Variants in TRIM42 observed in about 807,000 individuals in gnomAD.
TRIM42 encodes tripartite motif containing 42.
Under a neutral mutation model 64.9 loss-of-function variants are expected in TRIM42, and 59 were observed. That is an observed-to-expected ratio of 0.91 (90% confidence interval 0.74 to 1.13). The LOEUF is 1.13. Ranked by LOEUF, TRIM42 falls within the 50% of genes most tolerant of loss-of-function variation. The pLI is 0.00. For synonymous variants in TRIM42, 354 were observed against 346.3 expected, an observed-to-expected ratio of 1.02 and a Z score of -0.25; for missense variants, 878 against 929.5, an observed-to-expected ratio of 0.94 and a Z score of 0.72.
chr3:140,699,764 T>C (rs1988952175), intron 4 of TRIM42, among the ~76,000 whole-genome samples: 1 of 152,226 alleles, frequency 6.6e-6, no homozygotes, highest in Non-Finnish European at 1.5e-5. Flanking sequence ...TATGCATTAT[T>C]TCCATTTCTA....
intron 2 of TRIM42, among the ~76,000 whole-genome samples, chr3:140,685,468 C>T (rs1988525273): frequency 6.6e-6 from 1 of 152,202 alleles, no homozygotes; most frequent in Non-Finnish European, 1.5e-5. Context: ...ATTGGCATCA[C>T]CTGAGAGCTT....
In TRIM42 at chr3:140,688,551, G is replaced by A. The variant is rs762609588; in HGVS notation, c.1860+9G>A. 3 of 1,593,070 alleles carry A rather than the reference G, an allele frequency of 1.9e-6. No individual in the cohort carries two copies. The highest frequency in any genetic ancestry group is 2.7e-5 in the African/African-American group (2 of 74,538). ...ACCCAAGAGCTGCCAAGGTAAGAAA[G>A]GTTCTGGGCCCAGTGGGGAAGTGGG... On this transcript the variant is annotated intron_variant, in intron 3 of 4. Transcript: ENST00000286349.
chr3:140,687,108 G>A (rs1466034718), intron 2 of TRIM42, among the ~76,000 whole-genome samples: 2 of 152,074 alleles, frequency 1.3e-5, no homozygotes, highest in Non-Finnish European at 2.9e-5. Context: ...TGTGACAGCA[G>A]ACTCTTTTTT....
chr3:140,685,473 G>A (rs1988525408), intron 2 of TRIM42, among the ~76,000 whole-genome samples: 1 of 152,176 alleles, frequency 6.6e-6, no homozygotes, highest in Non-Finnish European at 1.5e-5. Flanking sequence ...CATCACCTGA[G>A]AGCTTGTTAG....
intron 4 of TRIM42, among the ~76,000 whole-genome samples, chr3:140,698,606 C>A (rs1033985319): frequency 2.0e-5 from 3 of 151,462 alleles, no homozygotes; most frequent in Non-Finnish European, 2.9e-5. Flanking sequence ...ATGTTGCATA[C>A]CATAAATAAA....
At chr3:140,680,313 C>A (rs1013316715) in intron 1 of TRIM42, among the ~76,000 whole-genome samples, 4 of 152,086 alleles carry the variant, frequency 2.6e-5, no homozygotes, top group Non-Finnish European at 4.4e-5. Flanking sequence ...CTCATCACCA[C>A]CTTCTGCTCA....
rs370292171 is a variant in TRIM42 at position 140,700,980 on chromosome 3, T to C, written c.*6T>C. 2.3e-3 allele frequency: 3,674 copies of C among 1,613,658 alleles called. 96 individuals carry two copies. In the South Asian group the frequency reaches 0.038, roughly 17 times the overall value. On this transcript the variant is annotated 3_prime_UTR_variant, in exon 5 of 5. Coordinates refer to ENST00000286349, the MANE Select transcript of TRIM42 (RefSeq NM_152616.5). ...CCCTCCAGAAGCACTTCTGAGCCCC[T>C]TCAGAGCAGGAAACAACCTCAGACT...
chr3:140,700,862 T>A, intron 4 of TRIM42, 26 bp from the exon 5 acceptor site: 3 of 1,611,156 alleles, frequency 1.9e-6, no homozygotes, highest in Non-Finnish European at 2.5e-6. Flanking sequence ...CTATTGGGTG[T>A]CATGACTCTT....
In TRIM42 at chr3:140,682,665, ACTT is replaced by A. The variant is rs1300110581; in HGVS notation, c.550_552del (p.Phe184del). The A allele has an allele frequency of 6.2e-6, 10 of 1,613,266 alleles. No individual in the cohort carries two copies. The highest frequency in any genetic ancestry group is 2.2e-5 in the East Asian group (1 of 44,868). ...CAGAAGCACGCCGAGGTCACCGAGA[ACTT>A]CTTCATCCTCATCTGCCCAGTGTGC... On this transcript the variant is annotated inframe_deletion, in exon 2 of 5. Transcript: ENST00000286349.
At chr3:140,700,469 TGC>T (rs1297318907) in intron 4 of TRIM42, among the ~76,000 whole-genome samples, 1 of 151,822 alleles carries the variant, frequency 6.6e-6, no homozygotes, top group Non-Finnish European at 1.5e-5. Context: ...CCAATCAAGG[TGC>T]TCATGGTCTG....
intron 1 of TRIM42, among the ~76,000 whole-genome samples, chr3:140,679,399 A>T (rs1224934217): frequency 6.6e-6 from 1 of 152,212 alleles, no homozygotes. Context: ...AGTCTGAAGT[A>T]GTAAGAGCAC....
At chr3:140,696,263 C>G (rs1482762153) in intron 4 of TRIM42, among the ~76,000 whole-genome samples, 3 of 152,158 alleles carry the variant, frequency 2.0e-5, no homozygotes, top group African/African-American at 7.2e-5. Flanking sequence ...TATTAATTTA[C>G]ACAATTAGCA....
chr3:140,696,345 T>C (rs1477616459), intron 4 of TRIM42, among the ~76,000 whole-genome samples: 9 of 152,230 alleles, frequency 5.9e-5, no homozygotes, highest in African/African-American at 1.9e-4. Flanking sequence ...CCATCTATGT[T>C]GTTATGGGCA....
Position 140,687,875 on chromosome 3 carries a change from T to C in TRIM42, c.1193T>C (p.Ile398Thr), listed in dbSNP as rs778356799. 28 of 1,614,092 alleles carry C rather than the reference T, an allele frequency of 1.7e-5. No homozygotes were observed. Among genetic ancestry groups the C allele is most frequent in the African/African-American group, 1.6e-4 (12 of 74,936 alleles). The change falls in exon 3 of 5, where the codon ATA becomes ACA. Residue 398 changes from isoleucine to threonine, a missense_variant. By Grantham distance (89) the Ile-to-Thr change is moderately conservative (BLOSUM62 -1). Coordinates refer to ENST00000286349, the MANE Select transcript of TRIM42 (RefSeq NM_152616.5). ...QEKEKIIMEQIENLEVSRQKE... is the reference protein window; with the variant it reads ...QEKEKIIMEQTENLEVSRQKE... ...AAAGAGAAGATCATCATGGAGCAGA[T>C]AGAGAATCTAGAAGTGTCCAGGCAG...
intron 3 of TRIM42, 31 bp downstream of exon 3, chr3:140,688,573 T>A: frequency 6.5e-7 from 1 of 1,543,898 alleles, no homozygotes. Flanking sequence ...AGTGGGGAAG[T>A]GGGAGGGTGT....
At position 140,691,105 on chromosome 3, in the gene TRIM42, G is replaced by A; in HGVS notation, c.1998G>A (p.Leu666=). ...ACATAATGCAGCAAAATCTGGAGCTGCACAACCTGACCCCCAACACAGAAT... is the reference window on the plus strand; with the variant it reads ...ACATAATGCAGCAAAATCTGGAGCTACACAACCTGACCCCCAACACAGAAT... ...IRDIMQQNLE[L]HNLTPNTEYV... Residue 666 remains leucine (L), a synonymous_variant, in exon 4 of 5, where the codon CTG becomes CTA. Transcript: ENST00000286349. The A allele has an allele frequency of 6.2e-7, 1 of 1,614,124 alleles. No individual in the cohort carries two copies. The highest frequency in any genetic ancestry group is 1.1e-5 in the South Asian group (1 of 91,078).
At chr3:140,679,654 C>T (rs890614438) in intron 1 of TRIM42, among the ~76,000 whole-genome samples, 3 of 152,086 alleles carry the variant, frequency 2.0e-5, no homozygotes, top group African/African-American at 4.8e-5. Flanking sequence ...CAGGGATTCT[C>T]GATGCAAGTC....
In TRIM42 at chr3:140,688,520, T is replaced by C. The variant is rs1413461516; in HGVS notation, c.1838T>C (p.Leu613Pro). The change falls in exon 3 of 5, where the codon CTG becomes CCG. Residue 613 changes from leucine to proline, a missense_variant. Leu to Pro is a moderately conservative substitution (Grantham distance 98). Transcript: ENST00000286349. Reference protein sequence around the residue: ...TPGPIVIYQTLVYPRAAKVYW... With the variant: ...TPGPIVIYQTPVYPRAAKVYW... ...GGCCCAATTGTTATCTACCAGACTC[T>C]GGTGTACCCAAGAGCTGCCAAGGTA... The C allele has an allele frequency of 6.2e-7, 1 of 1,612,060 alleles. No individual in the cohort carries two copies. The highest frequency in any genetic ancestry group is 1.7e-5 in the Admixed American group (1 of 59,842).
In TRIM42 at chr3:140,687,963, C is replaced by T. The variant is rs756625514; in HGVS notation, c.1281C>T (p.Ile427=). The change falls in exon 3 of 5, where the codon ATC becomes ATT. Residue 427 remains isoleucine (I), a synonymous_variant. Transcript: ENST00000286349. Reference sequence around the variant, plus strand: ...AAGTGAACGAGATGGATGGTCTGATCGCCTACTCCAAGGAAGCCCTGAAGG... The same window carrying T: ...AAGTGAACGAGATGGATGGTCTGATTGCCTACTCCAAGGAAGCCCTGAAGG... ...TMKVNEMDGL[I]AYSKEALKET... is the part of the protein sequence containing the mutation. 11 of 1,614,010 alleles carry T rather than the reference C, an allele frequency of 6.8e-6. No individual in the cohort carries two copies. Among genetic ancestry groups the T allele is most frequent in the East Asian group, 6.7e-5 (3 of 44,892 alleles).
Sources: gnomAD v4.1 joint callset for allele counts (sites outside exome capture counted in the v4.1 genomes callset) on GRCh38, gnomAD v4.1.1 for gene constraint, MANE v1.5 for transcripts, NCBI Gene and HGNC (gene_info 2026-07-23, HGNC 2026-07-21) for gene names.